Variants in SLC9B2 observed in about 807,000 individuals in gnomAD.
SLC9B2 encodes solute carrier family 9 member B2.
Under a neutral mutation model 52.2 loss-of-function variants are expected in SLC9B2, and 39 were observed. The ratio of observed to expected loss-of-function variants is 0.75; its 90% confidence interval spans 0.58 to 0.98. SLC9B2 has a LOEUF of 0.98. Ranked by LOEUF, SLC9B2 falls within the 50% of genes least tolerant of loss-of-function variation. SLC9B2 has a pLI of 0.00. For synonymous variants in SLC9B2, 214 were observed against 227.0 expected (o/e 0.94, Z 0.51); for missense variants, 626 against 637.5 (o/e 0.98, Z 0.19).
At position 103,057,971 on chromosome 4, in the gene SLC9B2, A is replaced by C. The variant is rs751933463; in HGVS notation, c.272T>G (p.Val91Gly). The change falls in exon 4 of 12, where the codon GTT becomes GGT. Residue 91 changes from valine to glycine, a missense_variant and splice_region_variant. Physicochemically the swap from Val to Gly is moderately radical, Grantham distance 109. Coordinates refer to ENST00000394785, the MANE Select transcript of SLC9B2 (RefSeq NM_178833.7). ...HGLLDRVITN[V>G]TIIVLLWAVV... ...AGCCCACAGAAGAACAATGATGGTA[A>C]CTGAAATAAACCAGGAATACTAGTT... The C allele has an allele frequency of 1.2e-6, 2 of 1,604,430 alleles. No individual in the cohort carries two copies. The highest frequency in any genetic ancestry group is 1.7e-6 in the Non-Finnish European group (2 of 1,177,984).
At chr4:103,028,058 C>T (rs778903703) in intron 11 of SLC9B2, among the ~76,000 whole-genome samples, 29 of 152,128 alleles carry the variant, frequency 1.9e-4, no homozygotes, top group Non-Finnish European at 4.0e-4. Context: ...ATAATCTATA[C>T]AGTTCTAACT....
At chr4:103,069,053 G>A (rs1746393375) in intron 1 of SLC9B2, among the ~76,000 whole-genome samples, 1 of 151,964 alleles carries the variant, frequency 6.6e-6, no homozygotes, top group Non-Finnish European at 1.5e-5. Context: ...TACATAATTT[G>A]TAATAAATGT....
chr4:103,022,137 T>C (rs1450906358), downstream of SLC9B2, among the ~76,000 whole-genome samples: 1 of 152,262 alleles, frequency 6.6e-6, no homozygotes, highest in Non-Finnish European at 1.5e-5. Context: ...AACCAAGCCC[T>C]TGAATATCTT....
intron 4 of SLC9B2, among the ~76,000 whole-genome samples, chr4:103,053,134 A>T (rs1578464992): frequency 6.6e-6 from 1 of 151,962 alleles, no homozygotes; most frequent in East Asian, 1.9e-4. Context: ...TGTTATGGAA[A>T]TTTTTTCAAT....
chr4:103,047,309 G>A, intron 6 of SLC9B2, 83 bp from the exon 7 acceptor site: 3 of 1,143,178 alleles, frequency 2.6e-6, no homozygotes, highest in South Asian at 2.2e-5. Flanking sequence ...ACTTTTTAGG[G>A]GTTATACTTG....
chr4:103,068,186 T>C (rs985898085), intron 1 of SLC9B2, among the ~76,000 whole-genome samples: 4 of 152,328 alleles, frequency 2.6e-5, no homozygotes, highest in African/African-American at 9.6e-5. Context: ...TTGTTTTCCA[T>C]TGACTTATCA....
intron 3 of SLC9B2, among the ~76,000 whole-genome samples, chr4:103,058,250 A>G (rs1468724038): frequency 2.0e-5 from 3 of 152,052 alleles, no homozygotes; most frequent in African/African-American, 7.2e-5. Flanking sequence ...TTTCTTCACC[A>G]TTCACTTTTT....
chr4:103,075,733 A>G (rs539805408), intron 1 of SLC9B2, among the ~76,000 whole-genome samples: 5 of 152,344 alleles, frequency 3.3e-5, no homozygotes, highest in African/African-American at 1.2e-4. Flanking sequence ...CTTAGGGGAT[A>G]GCAAAGCCAT....
chr4:103,060,287 A>AT (rs370421059), intron 3 of SLC9B2, among the ~76,000 whole-genome samples: 1 of 149,850 alleles, frequency 6.7e-6, no homozygotes, highest in Non-Finnish European at 1.5e-5. Flanking sequence ...CCAGTTCACC[A>AT]TTTTTTTCAC....
intron 9 of SLC9B2, chr4:103,041,899 C>G (rs1036827322): frequency 1.3e-5 from 2 of 152,106 alleles, no homozygotes; most frequent in African/African-American, 4.8e-5. Context: ...AGGTAGAAAT[C>G]ATAATACTTT....
intron 6 of SLC9B2, 163 bp downstream of exon 6, chr4:103,048,730 A>G: frequency 3.3e-6 from 3 of 905,654 alleles, no homozygotes; most frequent in Non-Finnish European, 4.8e-6. Flanking sequence ...CTATTAACAC[A>G]TAAACTATGT....
At chr4:103,056,407 C>A (rs1269661463) in intron 4 of SLC9B2, among the ~76,000 whole-genome samples, 4 of 152,064 alleles carry the variant, frequency 2.6e-5, no homozygotes. Context: ...GCCACCACGC[C>A]CAGCTAATTT....
chr4:103,037,942 C>A (rs993719060), intron 9 of SLC9B2, among the ~76,000 whole-genome samples: 1 of 151,072 alleles, frequency 6.6e-6, no homozygotes, highest in Non-Finnish European at 1.5e-5. Flanking sequence ...CTCATGGCAA[C>A]CTTCATCTCC....
chr4:103,021,388 G>C (rs1344153281), downstream of SLC9B2, among the ~76,000 whole-genome samples: 4 of 152,102 alleles, frequency 2.6e-5, no homozygotes, highest in Non-Finnish European at 5.9e-5. Flanking sequence ...ACTTGTTACA[G>C]AGAGGTACAT....
rs1199458992 is a variant in SLC9B2, at chr4:103,025,690, G to T, written c.*680C>A. On this transcript the variant is annotated 3_prime_UTR_variant, in exon 12 of 12. Coordinates refer to ENST00000394785, the MANE Select transcript of SLC9B2 (RefSeq NM_178833.7). ...AGGGCTGGATTAGGGCACTCCTTAG[G>T]GGAAGGTAGACTCACATGGGCCACT... is the stretch of plus-strand genomic sequence containing the variant. 1 of 152,098 alleles carries T rather than the reference G, an allele frequency of 6.6e-6. No homozygotes were observed. Among genetic ancestry groups the T allele is most frequent in the East Asian group, 1.9e-4 (1 of 5,196 alleles). The allele number at this position is 152,098 out of a possible 1,614,324, so 9.4% of individuals were successfully genotyped here. A position where few individuals can be genotyped will look rare whatever the true frequency, so the allele number is the denominator to read the frequency against.
rs1197991105 is a variant in SLC9B2 at position 103,050,366 on chromosome 4, C to A, written c.459G>T (p.Gly153=). ...LPSLLGMLLA[G]FLIRNIPVIN... is the part of the protein sequence containing the mutation. ...TGACTGGGATATTTCTGATGAGAAACCCTGCAAGCAGCATGCCTTGAACGA... is the reference window on the plus strand; with the variant it reads ...TGACTGGGATATTTCTGATGAGAAAACCTGCAAGCAGCATGCCTTGAACGA... The change falls in exon 5 of 12, where the codon GGG becomes GGT. Residue 153 remains glycine, a synonymous_variant. Transcript: ENST00000394785. The A allele has an allele frequency of 1.0e-5, 16 of 1,596,372 alleles. No individual in the cohort carries two copies. The highest frequency in any genetic ancestry group is 1.4e-5 in the Non-Finnish European group (16 of 1,173,720).
rs189917138 is a variant in SLC9B2, at chr4:103,024,482, A to T, written c.*1888T>A. Reference sequence around the variant, plus strand: ...ATTGAAGGCTATTTAGAAGAAGTGAATATTAAACTAGTTTTGAATAGAGGT... The same window carrying T: ...ATTGAAGGCTATTTAGAAGAAGTGATTATTAAACTAGTTTTGAATAGAGGT... On this transcript the variant is annotated 3_prime_UTR_variant, in exon 12 of 12. Coordinates refer to ENST00000394785, the MANE Select transcript of SLC9B2 (RefSeq NM_178833.7). Among the ~76,000 whole-genome samples, 18 of 152,360 alleles carry T rather than the reference A, an allele frequency of 1.2e-4. No individual in the cohort carries two copies. Among genetic ancestry groups the T allele is most frequent in the Admixed American group, 2.0e-4 (3 of 15,308 alleles).
intron 4 of SLC9B2, among the ~76,000 whole-genome samples, chr4:103,056,225 T>A (rs1745126037): frequency 6.6e-6 from 1 of 152,024 alleles, no homozygotes; most frequent in Admixed American, 6.6e-5. Context: ...CAGCTATGTC[T>A]TTAAGAATCA....
chr4:103,046,971 C>G (rs1744196344), intron 7 of SLC9B2, 80 bp downstream of exon 7: 1 of 1,482,884 alleles, frequency 6.7e-7, no homozygotes, highest in African/African-American at 1.4e-5. Context: ...AATTATCAAG[C>G]AAATATGTCA....
Sources: allele counts gnomAD v4.1 joint callset (sites outside exome capture counted in the v4.1 genomes callset), GRCh38; gene constraint gnomAD v4.1.1; transcripts MANE v1.5; gene names NCBI Gene and HGNC (gene_info 2026-07-23, HGNC 2026-07-21).